EGFLAM: variants seen among roughly 807,000 people sequenced by gnomAD.
The protein encoded by EGFLAM is pikachurin.
Under a neutral mutation model 113.1 loss-of-function variants are expected in EGFLAM, and 79 were observed. The ratio of observed to expected loss-of-function variants is 0.70; its 90% CI spans 0.58 to 0.84. The LOEUF (loss-of-function observed/expected upper bound fraction) is 0.84. Among genes scored for constraint, EGFLAM ranks in the 40% least tolerant of loss-of-function variants. The probability of loss-of-function intolerance (pLI) is 0.00; values close to 1 mark genes in which losing one functional copy is unlikely to be tolerated. For synonymous variants in EGFLAM, 504 were observed against 487.6 expected, an observed-to-expected ratio of 1.03 and a Z score of -0.44; for missense variants, 1,265 against 1,291.6, an observed-to-expected ratio of 0.98 and a Z score of 0.32.
chr5:38,364,453 G>T (rs1248027962), intron 5 of EGFLAM, among the ~76,000 whole-genome samples: 1 of 152,182 alleles, frequency 6.6e-6, no homozygotes, highest in African/African-American at 2.4e-5. Flanking sequence ...TTAAGCAGTG[G>T]CTTGGAGGCA....
At chr5:38,360,757 C>T (rs1212024191) in intron 5 of EGFLAM, among the ~76,000 whole-genome samples, 3 of 152,150 alleles carry the variant, frequency 2.0e-5, no homozygotes, top group Non-Finnish European at 4.4e-5. Flanking sequence ...ATGGCTTACT[C>T]GATGGGTCTT....
At chr5:38,350,394 C>T in intron 3 of EGFLAM, 107 bp from the exon 4 acceptor site, 1 of 1,070,994 alleles carries the variant, frequency 9.3e-7, no homozygotes, top group Non-Finnish European at 1.4e-6. Flanking sequence ...ATTCTCTGTG[C>T]CAAGCAGTTT....
At chr5:38,453,426 G>A (rs1742985656) in intron 19 of EGFLAM, among the ~76,000 whole-genome samples, 1 of 152,172 alleles carries the variant, frequency 6.6e-6, no homozygotes, top group Non-Finnish European at 1.5e-5. Flanking sequence ...AAATCTTTCT[G>A]TTTGAATAAA....
At chr5:38,365,281 C>T (rs1490207853) in intron 5 of EGFLAM, among the ~76,000 whole-genome samples, 2 of 152,108 alleles carry the variant, frequency 1.3e-5, no homozygotes, top group Non-Finnish European at 2.9e-5. Context: ...AAAGGAGAAT[C>T]GGTTTGTGAA....
intron 12 of EGFLAM, among the ~76,000 whole-genome samples, chr5:38,420,033 AAAAACAAAAAAC>A (rs1354462625): frequency 6.6e-6 from 1 of 152,166 alleles, no homozygotes; most frequent in African/African-American, 2.4e-5. Flanking sequence ...TTAAAAAACA[AAAAACAAAAAAC>A]AAAACAAAAC....
In EGFLAM at chr5:38,407,161, G is replaced by T; in HGVS notation, c.1147+15G>T. 6.3e-7 allele frequency: 1 copy of T among 1,577,298 alleles called. No individual in the cohort carries two copies. Among genetic ancestry groups the T allele is most frequent in the Non-Finnish European group, 8.5e-7 (1 of 1,172,526 alleles). On this transcript the variant is annotated intron_variant, in intron 8 of 21. Transcript: ENST00000322350. Reference sequence around the variant, plus strand: ...CTGCTCAGAAGGTAGGCCCTTGGGGGAGAGGAAGAAGTGGTGATGAATTGG... The same window carrying T: ...CTGCTCAGAAGGTAGGCCCTTGGGGTAGAGGAAGAAGTGGTGATGAATTGG...
chr5:38,342,795 C>T (rs1183863043), intron 3 of EGFLAM, among the ~76,000 whole-genome samples: 2 of 151,966 alleles, frequency 1.3e-5, no homozygotes, highest in African/African-American at 2.4e-5. Flanking sequence ...CACCAGTATA[C>T]GAATATTTAT....
At chr5:38,398,785 G>C (rs56703092) in intron 6 of EGFLAM, among the ~76,000 whole-genome samples, 2 of 152,174 alleles carry the variant, frequency 1.3e-5, no homozygotes, top group East Asian at 1.9e-4. Context: ...ACATTATTCC[G>C]TCTAACCAAC....
intron 1 of EGFLAM, among the ~76,000 whole-genome samples, chr5:38,264,092 C>T (rs369882707): frequency 4.7e-4 from 71 of 152,278 alleles, no homozygotes; most frequent in African/African-American, 1.2e-3. Context: ...GGTTAAAGAC[C>T]GGTGCTCCCA....
intron 1 of EGFLAM, among the ~76,000 whole-genome samples, chr5:38,268,078 C>T (rs1757676267): frequency 6.6e-6 from 1 of 152,172 alleles, no homozygotes; most frequent in Non-Finnish European, 1.5e-5. Context: ...ATTTGCCTGG[C>T]CCCACCCGGC....
At chr5:38,323,228 T>C (rs1738786070) in intron 1 of EGFLAM, among the ~76,000 whole-genome samples, 1 of 152,242 alleles carries the variant, frequency 6.6e-6, no homozygotes, top group African/African-American at 2.4e-5. Context: ...TTTTATGAAT[T>C]GGATTACAAA....
At chr5:38,342,920 G>A (rs2111962061) in intron 3 of EGFLAM, among the ~76,000 whole-genome samples, 1 of 152,160 alleles carries the variant, frequency 6.6e-6, no homozygotes, top group South Asian at 2.1e-4. Flanking sequence ...TTTTCTTCTG[G>A]CATCTCAGTG....
chr5:38,348,218 A>G (rs1022296775), intron 3 of EGFLAM, among the ~76,000 whole-genome samples: 1 of 152,164 alleles, frequency 6.6e-6, no homozygotes, highest in Non-Finnish European at 1.5e-5. Context: ...CCTGGAGACC[A>G]GGAGGCAGGC....
chr5:38,418,765 T>C (rs1741736192), intron 12 of EGFLAM, among the ~76,000 whole-genome samples: 1 of 152,230 alleles, frequency 6.6e-6, no homozygotes, highest in Non-Finnish European at 1.5e-5. Context: ...ATGCCCATTT[T>C]ACAGATGAGG....
chr5:38,283,068 C>T, intron 1 of EGFLAM, among the ~76,000 whole-genome samples: 1 of 152,110 alleles, frequency 6.6e-6, no homozygotes, highest in East Asian at 1.9e-4. Context: ...TTGCTCAGAG[C>T]TCAAGTGATC....
intron 12 of EGFLAM, among the ~76,000 whole-genome samples, chr5:38,422,180 T>G (rs559362656): frequency 6.6e-6 from 1 of 152,112 alleles, no homozygotes; most frequent in Non-Finnish European, 1.5e-5. Context: ...GAGTCTTATT[T>G]CTCTTCTACC....
intron 1 of EGFLAM, chr5:38,305,509 T>C: frequency 2.2e-6 from 1 of 452,680 alleles, no homozygotes; most frequent in Non-Finnish European, 4.4e-6. Flanking sequence ...AAACAGAAGA[T>C]CCAATCCAGG....
intron 1 of EGFLAM, among the ~76,000 whole-genome samples, chr5:38,312,061 C>T (rs944138209): frequency 1.3e-5 from 2 of 152,026 alleles, no homozygotes; most frequent in African/African-American, 2.4e-5. Context: ...ATTTATAATG[C>T]GGTATAATAA....
chr5:38,295,229 T>C (rs925380022), intron 1 of EGFLAM, among the ~76,000 whole-genome samples: 4 of 152,248 alleles, frequency 2.6e-5, no homozygotes, highest in African/African-American at 9.6e-5. Context: ...GAAGCACAGC[T>C]AGATCCTGCT....
Sources: gnomAD v4.1 joint callset for allele counts (sites outside exome capture counted in the v4.1 genomes callset) on GRCh38, gnomAD v4.1.1 for gene constraint, MANE v1.5 for transcripts, NCBI Gene and HGNC (gene_info 2026-07-23, HGNC 2026-07-21) for gene names.